RBFOX1: variants seen among roughly 807,000 people sequenced by gnomAD.
The protein encoded by RBFOX1 is RNA binding protein fox-1 homolog 1.
A neutral mutation model predicts 57.7 loss-of-function variants in RBFOX1; 8 were observed. That is an observed-to-expected ratio of 0.14 (90% confidence interval 0.08 to 0.25). RBFOX1 has a LOEUF of 0.25. Ranked by LOEUF, RBFOX1 falls within the 10% of genes least tolerant of loss-of-function variation. RBFOX1 has a pLI of 1.00. For synonymous variants in RBFOX1, 326 were observed against 222.4 expected, an observed-to-expected ratio of 1.47 and a Z score of -4.15; for missense variants, 611 against 548.5, an observed-to-expected ratio of 1.11 and a Z score of -1.14.
chr16:6,683,502 A>G (rs1790478458), intron 3 of RBFOX1, among the ~76,000 whole-genome samples: 1 of 152,242 alleles, frequency 6.6e-6, no homozygotes, highest in Non-Finnish European at 1.5e-5. Context: ...CCAAAACTAT[A>G]TATAAACAAA....
At chr16:5,872,293 G>C (rs1162177908) in intron 4 of RBFOX1, among the ~76,000 whole-genome samples, 1 of 152,226 alleles carries the variant, frequency 6.6e-6, no homozygotes, top group African/African-American at 2.4e-5. Context: ...GAGTCTTGTA[G>C]ATGAGGTGTG....
intron 4 of RBFOX1, among the ~76,000 whole-genome samples, chr16:7,056,962 A>G (rs191310244): frequency 7.2e-5 from 11 of 151,980 alleles, no homozygotes; most frequent in African/African-American, 1.9e-4. Flanking sequence ...TACTTTACCT[A>G]TACGTAAAAT....
At chr16:6,283,767 C>G (rs1409352623) in intron 1 of RBFOX1, among the ~76,000 whole-genome samples, 1 of 152,164 alleles carries the variant, frequency 6.6e-6, no homozygotes, top group Non-Finnish European at 1.5e-5. Flanking sequence ...TTGCAGTACT[C>G]TAATTAGAAA....
chr16:6,754,294 T>A (rs1245616630), intron 3 of RBFOX1, among the ~76,000 whole-genome samples: 1 of 152,190 alleles, frequency 6.6e-6, no homozygotes, highest in African/African-American at 2.4e-5. Context: ...CTCCGCCAAC[T>A]CAATATCCTC....
chr16:5,730,043 A>G (rs765550524), intron 3 of RBFOX1, among the ~76,000 whole-genome samples: 51 of 152,136 alleles, frequency 3.4e-4, no homozygotes, highest in Non-Finnish European at 6.0e-4. Context: ...ACTCAATTCC[A>G]CTTTGAGTAT....
At chr16:6,659,760 C>G (rs905100802) in intron 3 of RBFOX1, among the ~76,000 whole-genome samples, 2 of 152,150 alleles carry the variant, frequency 1.3e-5, no homozygotes, top group Admixed American at 1.3e-4. Context: ...CAAGCCTGCC[C>G]TTCCGGGAAG....
At chr16:7,425,671 C>G (rs2098603498) in intron 4 of RBFOX1, among the ~76,000 whole-genome samples, 1 of 152,112 alleles carries the variant, frequency 6.6e-6, no homozygotes, top group African/African-American at 2.4e-5. Context: ...TGAGAATAAG[C>G]TTGGAAAATA....
At chr16:5,543,943 C>G (rs2045074629) in intron 2 of RBFOX1, among the ~76,000 whole-genome samples, 3 of 152,154 alleles carry the variant, frequency 2.0e-5, no homozygotes, top group South Asian at 2.1e-4. Flanking sequence ...CCTGAAATAA[C>G]TGCAAGGAGA....
chr16:5,773,527 A>G (rs1453628995), intron 3 of RBFOX1, among the ~76,000 whole-genome samples: 3 of 152,140 alleles, frequency 2.0e-5, no homozygotes, highest in Non-Finnish European at 2.9e-5. Context: ...TGCAGTTGCT[A>G]TATTAGTTTT....
intron 3 of RBFOX1, among the ~76,000 whole-genome samples, chr16:6,902,743 C>T (rs1390965271): frequency 2.0e-5 from 3 of 152,102 alleles, no homozygotes; most frequent in Non-Finnish European, 2.9e-5. Flanking sequence ...GAAGTGGTTT[C>T]CATACACATC....
chr16:6,248,265 G>A (rs1264180025), intron 1 of RBFOX1, among the ~76,000 whole-genome samples: 2 of 152,156 alleles, frequency 1.3e-5, no homozygotes, highest in African/African-American at 2.4e-5. Context: ...GGGAGGAGAG[G>A]TGGAAGGCAG....
chr16:7,601,548 A>G (rs1244953919), intron 9 of RBFOX1, among the ~76,000 whole-genome samples: 3 of 152,218 alleles, frequency 2.0e-5, no homozygotes, highest in African/African-American at 7.2e-5. Flanking sequence ...ACAGTCTTTG[A>G]AAAACTCAGT....
chr16:7,026,184 C>G (rs1293376362), intron 3 of RBFOX1, among the ~76,000 whole-genome samples: 1 of 152,176 alleles, frequency 6.6e-6, no homozygotes, highest in South Asian at 2.1e-4. Flanking sequence ...TTCTTGGGGC[C>G]TACTCTGAGG....
chr16:6,992,885 C>T (rs947719707), intron 3 of RBFOX1, among the ~76,000 whole-genome samples: 3 of 151,260 alleles, frequency 2.0e-5, no homozygotes, highest in Non-Finnish European at 2.9e-5. Flanking sequence ...ATTCAGTGCC[C>T]ACCGCCCAAG....
intron 3 of RBFOX1, among the ~76,000 whole-genome samples, chr16:6,701,492 G>T (rs566180144): frequency 6.6e-6 from 1 of 152,332 alleles, no homozygotes; most frequent in South Asian, 2.1e-4. Context: ...AGTTATGTAG[G>T]TTGTACAAGC....
chr16:7,698,692 A>G (rs2079612177), intron 14 of RBFOX1, among the ~76,000 whole-genome samples: 1 of 152,154 alleles, frequency 6.6e-6, no homozygotes, highest in African/African-American at 2.4e-5. Context: ...TCATGCAGTA[A>G]ATTGATTTGT....
chr16:7,225,363 C>T (rs2093028090), intron 4 of RBFOX1, among the ~76,000 whole-genome samples: 1 of 152,072 alleles, frequency 6.6e-6, no homozygotes, highest in Non-Finnish European at 1.5e-5. Flanking sequence ...TAGTAAGTTT[C>T]ATGAGATCTG....
chr16:7,140,186 C>G (rs551912827), intron 4 of RBFOX1, among the ~76,000 whole-genome samples: 14 of 144,650 alleles, frequency 9.7e-5, no homozygotes, highest in Non-Finnish European at 7.5e-5. Flanking sequence ...CTCTCTCTCT[C>G]TCTCTCTCCC....
intron 4 of RBFOX1, among the ~76,000 whole-genome samples, chr16:7,471,295 T>G (rs961949063): frequency 6.6e-6 from 1 of 152,186 alleles, no homozygotes; most frequent in Admixed American, 6.5e-5. Context: ...AGAACTGCAA[T>G]CTCTTTAAAA....
Sources: gnomAD v4.1 joint callset for allele counts (sites outside exome capture counted in the v4.1 genomes callset) on GRCh38, gnomAD v4.1.1 for gene constraint, MANE v1.5 for transcripts, NCBI Gene and HGNC (gene_info 2026-07-23, HGNC 2026-07-21) for gene names.